Variants in GRID2 observed in about 807,000 individuals in gnomAD.
GRID2 encodes the protein glutamate ionotropic receptor delta type subunit 2, also known as glutamate receptor ionotropic, delta-2.
A neutral mutation model predicts 114.8 loss-of-function variants in GRID2; 33 were observed. The observed-to-expected ratio is 0.29, with a 90% confidence interval of 0.22 to 0.38. The LOEUF (loss-of-function observed/expected upper bound fraction) is 0.38. GRID2 is among the 10% of genes least tolerant of loss of function. The pLI, the probability that GRID2 is intolerant of heterozygous loss-of-function variation, is 1.00. For missense variants in GRID2, 1,184 were observed against 1,257.7 expected, an observed-to-expected ratio of 0.94 and a Z score of 0.89; for synonymous variants, 505 against 449.9, an observed-to-expected ratio of 1.12 and a Z score of -1.55.
chr4:93,116,101 T>C (rs1733225020), intron 4 of GRID2, among the ~76,000 whole-genome samples: 1 of 152,186 alleles, frequency 6.6e-6, no homozygotes, highest in African/African-American at 2.4e-5. Context: ...ATCCTCTCAA[T>C]ATATTACTAG....
intron 7 of GRID2, among the ~76,000 whole-genome samples, chr4:93,226,153 C>G (rs543157324): frequency 1.3e-5 from 2 of 152,202 alleles, no homozygotes; most frequent in Non-Finnish European, 2.9e-5. Context: ...ATTCACGTCC[C>G]GCTCACATAT....
At chr4:93,325,975 T>C (rs748765471) in intron 8 of GRID2, among the ~76,000 whole-genome samples, 47 of 152,124 alleles carry the variant, frequency 3.1e-4, no homozygotes, top group Non-Finnish European at 5.1e-4. Flanking sequence ...CTGGAGGAGG[T>C]CATGATTAAC....
intron 14 of GRID2, among the ~76,000 whole-genome samples, chr4:93,691,769 G>A (rs1726584963): frequency 6.6e-6 from 1 of 151,772 alleles, no homozygotes; most frequent in Non-Finnish European, 1.5e-5. Context: ...TCACATACTA[G>A]AGACTATTTT....
At chr4:93,047,257 G>T (rs1726232365) in intron 2 of GRID2, among the ~76,000 whole-genome samples, 1 of 152,046 alleles carries the variant, frequency 6.6e-6, no homozygotes, top group African/African-American at 2.4e-5. Context: ...ATGGTAGCCT[G>T]GTTGGAATTC....
intron 2 of GRID2, among the ~76,000 whole-genome samples, chr4:92,631,499 AT>A (rs1730807305): frequency 6.6e-6 from 1 of 152,110 alleles, no homozygotes; most frequent in Non-Finnish European, 1.5e-5. Context: ...CAATCACAGG[AT>A]TTCTAATTAG....
intron 13 of GRID2, among the ~76,000 whole-genome samples, chr4:93,554,795 C>T (rs1734144267): frequency 6.6e-6 from 1 of 152,092 alleles, no homozygotes; most frequent in Admixed American, 6.6e-5. Flanking sequence ...GAAAGAAATA[C>T]CTGAGACGGG....
At chr4:93,388,614 G>A (rs1764555698) in intron 8 of GRID2, among the ~76,000 whole-genome samples, 1 of 152,188 alleles carries the variant, frequency 6.6e-6, no homozygotes, top group South Asian at 2.1e-4. Context: ...GCAAATTCTG[G>A]TAGGCCACAT....
At chr4:93,183,369 C>T (rs1374704407) in intron 4 of GRID2, among the ~76,000 whole-genome samples, 1 of 152,136 alleles carries the variant, frequency 6.6e-6, no homozygotes, top group African/African-American at 2.4e-5. Flanking sequence ...TATTATCCCC[C>T]TGTAAAGACA....
At chr4:92,588,307 G>C (rs1346906721) in intron 1 of GRID2, among the ~76,000 whole-genome samples, 2 of 151,932 alleles carry the variant, frequency 1.3e-5, no homozygotes, top group African/African-American at 4.8e-5. Context: ...ATATATATTT[G>C]ATTAATAAAA....
intron 11 of GRID2, among the ~76,000 whole-genome samples, chr4:93,467,999 C>CT (rs1216632353): frequency 6.6e-6 from 1 of 152,104 alleles, no homozygotes; most frequent in Non-Finnish European, 1.5e-5. Flanking sequence ...GCTGAGAAAA[C>CT]AAGTTTGTAC....
chr4:92,957,170 T>C (rs1466209779), intron 2 of GRID2, among the ~76,000 whole-genome samples: 3 of 152,156 alleles, frequency 2.0e-5, no homozygotes, highest in Admixed American at 1.3e-4. Flanking sequence ...GTCCAAGTTA[T>C]CAAATTTTTC....
intron 2 of GRID2, among the ~76,000 whole-genome samples, chr4:92,952,724 G>T (rs1752122185): frequency 6.6e-6 from 1 of 152,124 alleles, no homozygotes; most frequent in Admixed American, 6.6e-5. Context: ...TGCACATTTG[G>T]AATTCCCATG....
At chr4:92,893,848 A>C (rs1746970001) in intron 2 of GRID2, among the ~76,000 whole-genome samples, 1 of 152,110 alleles carries the variant, frequency 6.6e-6, no homozygotes. Context: ...GATAATGTAG[A>C]GTTGATGATG....
intron 2 of GRID2, among the ~76,000 whole-genome samples, chr4:93,011,120 GTTTT>G (rs563716982): frequency 3.5e-5 from 5 of 142,102 alleles, no homozygotes; most frequent in Non-Finnish European, 7.7e-5. Flanking sequence ...TTTAAGACAG[GTTTT>G]TTTTTTGTTT....
At chr4:92,544,185 G>C (rs370500433) in intron 1 of GRID2, among the ~76,000 whole-genome samples, 27 of 152,080 alleles carry the variant, frequency 1.8e-4, no homozygotes, top group Admixed American at 1.3e-3. Flanking sequence ...TCTGAGCTGA[G>C]ACCCCTGACT....
intron 4 of GRID2, among the ~76,000 whole-genome samples, chr4:93,146,121 G>A (rs1006230470): frequency 1.1e-4 from 16 of 152,048 alleles, no homozygotes; most frequent in Non-Finnish European, 1.9e-4. Flanking sequence ...GAATTATGTA[G>A]AAGGCCTAAG....
intron 11 of GRID2, 58 bp downstream of exon 11, chr4:93,456,032 G>A: frequency 1.0e-6 from 1 of 998,772 alleles, no homozygotes; most frequent in Non-Finnish European, 1.6e-6. Context: ...TGTTTCCAAA[G>A]CCATGTATTC....
chr4:93,355,016 T>C (rs1761196057), intron 8 of GRID2, among the ~76,000 whole-genome samples: 1 of 151,466 alleles, frequency 6.6e-6, no homozygotes, highest in South Asian at 2.1e-4. Flanking sequence ...AGGACAATTA[T>C]TGTCATTATT....
At chr4:93,219,495 T>C (rs964122294) in intron 6 of GRID2, among the ~76,000 whole-genome samples, 2 of 152,296 alleles carry the variant, frequency 1.3e-5, no homozygotes, top group African/African-American at 4.8e-5. Flanking sequence ...TACTTTTGCG[T>C]TGAGGATTTG....
Sources: gnomAD v4.1 joint callset for allele counts (sites outside exome capture counted in the v4.1 genomes callset) on GRCh38, gnomAD v4.1.1 for gene constraint, MANE v1.5 for transcripts, NCBI Gene and HGNC (gene_info 2026-07-23, HGNC 2026-07-21) for gene names.